Variants in MAP3K7CL observed in about 807,000 individuals in gnomAD.
MAP3K7CL encodes MAP3K7 C-terminal like.
In MAP3K7CL, 16 loss-of-function variants were observed where a neutral mutation model predicts 18.6. That is an observed-to-expected ratio of 0.86 (90% CI 0.58 to 1.31). The LOEUF (loss-of-function observed/expected upper bound fraction) is 1.31. Among genes scored for constraint, MAP3K7CL ranks in the 50% most tolerant of loss-of-function variants. The pLI is 0.00. For synonymous variants in MAP3K7CL, 65 were observed against 66.8 expected, an observed-to-expected ratio of 0.97 and a Z score of 0.13; for missense variants, 163 against 174.4, an observed-to-expected ratio of 0.93 and a Z score of 0.37.
intron 4 of MAP3K7CL, chr21:29,109,323 C>A: frequency 2.1e-6 from 3 of 1,417,710 alleles, no homozygotes; most frequent in Non-Finnish European, 1.8e-6. Context: ...GATCACTATT[C>A]CTTCTAGTAA....
chr21:29,146,393 T>G (rs2087129247), intron 2 of MAP3K7CL, among the ~76,000 whole-genome samples: 1 of 152,098 alleles, frequency 6.6e-6, no homozygotes, highest in African/African-American at 2.4e-5. Flanking sequence ...CAAAATCAGT[T>G]TCACAAAGCA....
chr21:29,166,691 G>A (rs373842245), intron 4 of MAP3K7CL, among the ~76,000 whole-genome samples: 169 of 152,240 alleles, frequency 1.1e-3, no homozygotes, highest in African/African-American at 3.6e-3. Context: ...TTTTCACTTA[G>A]TATAATGTTT....
At chr21:29,171,232 G>A (rs554176788) in intron 4 of MAP3K7CL, among the ~76,000 whole-genome samples, 1 of 152,100 alleles carries the variant, frequency 6.6e-6, no homozygotes, top group Non-Finnish European at 1.5e-5. Context: ...TATTCAGTAA[G>A]TATTTATTGT....
chr21:29,124,294 A>G (rs2086645598), intron 4 of MAP3K7CL, among the ~76,000 whole-genome samples: 1 of 130,420 alleles, frequency 7.7e-6, no homozygotes, highest in Admixed American at 9.3e-5. Flanking sequence ...GCGGAGGTTG[A>G]GGTGAGCCGA....
intron 4 of MAP3K7CL, chr21:29,109,145 C>T (rs988443981): frequency 6.5e-7 from 1 of 1,535,400 alleles, no homozygotes; most frequent in Non-Finnish European, 8.7e-7. Context: ...CTTGTTTCTT[C>T]CTCTTCCCTA....
At chr21:29,115,413 A>T (rs537780261) in intron 4 of MAP3K7CL, among the ~76,000 whole-genome samples, 1 of 152,082 alleles carries the variant, frequency 6.6e-6, no homozygotes, top group Non-Finnish European at 1.5e-5. Flanking sequence ...TGAAATCAAC[A>T]TTCTTTTTAG....
chr21:29,092,538 A>G (rs1205496572), exon 4 of MAP3K7CL: 1 of 1,614,106 alleles, frequency 6.2e-7, no homozygotes, highest in African/African-American at 1.3e-5. Context: ...CTCTGAAGCC[A>G]AAGTCTATTA....
chr21:29,130,069 T>G (rs1043208953), upstream of MAP3K7CL, among the ~76,000 whole-genome samples: 2 of 152,344 alleles, frequency 1.3e-5, no homozygotes, highest in East Asian at 1.9e-4. Context: ...TCATCTGATA[T>G]GTATTTTGCA....
At chr21:29,141,590 T>C (rs991048643) in intron 2 of MAP3K7CL, among the ~76,000 whole-genome samples, 1 of 152,192 alleles carries the variant, frequency 6.6e-6, no homozygotes, top group Non-Finnish European at 1.5e-5. Context: ...AACCAGTCTA[T>C]TGATGCATGA....
intron 1 of MAP3K7CL, among the ~76,000 whole-genome samples, chr21:29,087,227 G>T (rs1390148805): frequency 2.6e-5 from 4 of 152,102 alleles, no homozygotes; most frequent in African/African-American, 7.2e-5. Flanking sequence ...CCCAGAGAGG[G>T]TTTCCTTGAC....
chr21:29,164,443 A>G (rs116970760), intron 4 of MAP3K7CL, among the ~76,000 whole-genome samples: 3 of 152,374 alleles, frequency 2.0e-5, no homozygotes, highest in Non-Finnish European at 4.4e-5. Flanking sequence ...ACGCTAACTA[A>G]GGTATTTTAA....
At chr21:29,095,434 G>A (rs2086106062) in intron 4 of MAP3K7CL, among the ~76,000 whole-genome samples, 1 of 152,176 alleles carries the variant, frequency 6.6e-6, no homozygotes, top group African/African-American at 2.4e-5. Context: ...GTTCCAGGGG[G>A]ATAAGGGGAA....
chr21:29,133,631 AT>A (rs561499013), intron 2 of MAP3K7CL, among the ~76,000 whole-genome samples: 9 of 151,908 alleles, frequency 5.9e-5, no homozygotes, highest in East Asian at 1.9e-4. Flanking sequence ...ATTTAAACTC[AT>A]TTTTTTTCTC....
intron 4 of MAP3K7CL, among the ~76,000 whole-genome samples, chr21:29,164,018 C>T (rs1224048381): frequency 2.0e-5 from 3 of 151,378 alleles, no homozygotes; most frequent in South Asian, 2.1e-4. Flanking sequence ...GAAAATTGCT[C>T]GAACTCGGGA....
chr21:29,091,739 T>A (rs2086033003), exon 3 of MAP3K7CL: 1 of 702,452 alleles, frequency 1.4e-6, no homozygotes, highest in African/African-American at 1.7e-5. Context: ...TGCTTTTGGC[T>A]TCTTGAAGTG....
intron 4 of MAP3K7CL, 50 bp from the exon 5 acceptor site, chr21:29,174,662 G>T: frequency 6.3e-7 from 1 of 1,585,892 alleles, no homozygotes; most frequent in South Asian, 1.1e-5. Context: ...AATTTAATTT[G>T]CTTGCATTGA....
intron 2 of MAP3K7CL, 42 bp from the exon 3 acceptor site, chr21:29,149,147 A>C (rs762045309): frequency 6.4e-7 from 1 of 1,559,240 alleles, no homozygotes; most frequent in South Asian, 1.1e-5. Flanking sequence ...TCCTACAAGA[A>C]AGAGCTCCAT....
chr21:29,105,024 C>T (rs2086296361), intron 4 of MAP3K7CL, among the ~76,000 whole-genome samples: 1 of 152,160 alleles, frequency 6.6e-6, no homozygotes, highest in African/African-American at 2.4e-5. Flanking sequence ...GACTTTCCCA[C>T]ATGTTTCCTA....
intron 4 of MAP3K7CL, among the ~76,000 whole-genome samples, chr21:29,161,703 C>T (rs1439269560): frequency 6.6e-6 from 1 of 152,054 alleles, no homozygotes; most frequent in African/African-American, 2.4e-5. Flanking sequence ...TAAAAATACA[C>T]ACACACACAA....
Sources: gnomAD v4.1 joint callset for allele counts (sites outside exome capture counted in the v4.1 genomes callset) on GRCh38, gnomAD v4.1.1 for gene constraint, MANE v1.5 for transcripts, NCBI Gene and HGNC (gene_info 2026-07-23, HGNC 2026-07-21) for gene names.